Variants in ZNF362 observed in about 807,000 individuals in gnomAD.
ZNF362 encodes the protein zinc finger protein 362, also known as rotund homolog.
Under a neutral mutation model 42.9 loss-of-function variants are expected in ZNF362, and 11 were observed. The ratio of observed to expected loss-of-function variants is 0.26; its 90% CI spans 0.16 to 0.42. ZNF362 has a LOEUF of 0.42. Ranked by LOEUF, ZNF362 falls within the 20% of genes least tolerant of loss-of-function variation. The probability of loss-of-function intolerance (pLI) is 1.00; values close to 1 mark genes in which losing one functional copy is unlikely to be tolerated. For synonymous variants in ZNF362, 255 were observed against 257.3 expected, an observed-to-expected ratio of 0.99 and a Z score of 0.09; for missense variants, 362 against 576.2, an observed-to-expected ratio of 0.63 and a Z score of 3.81.
the ZNF362 span, among the ~76,000 whole-genome samples, chr1:33,224,793 T>C: frequency 4.6e-5 from 7 of 152,206 alleles, no homozygotes; most frequent in African/African-American, 1.7e-4. Flanking sequence ...AGTCATAAGA[T>C]GCATTAAGAA....
the ZNF362 span, among the ~76,000 whole-genome samples, chr1:33,178,567 G>C: frequency 6.6e-6 from 1 of 152,204 alleles, no homozygotes; most frequent in Non-Finnish European, 1.5e-5. Flanking sequence ...ATTCCAGCCC[G>C]TACTGTGTGC....
chr1:33,188,040 C>T, the ZNF362 span, among the ~76,000 whole-genome samples: 1 of 152,106 alleles, frequency 6.6e-6, no homozygotes, highest in African/African-American at 2.4e-5. Context: ...TTGAGACCAG[C>T]CTGACCAACA....
the ZNF362 span, among the ~76,000 whole-genome samples, chr1:33,191,892 A>G: frequency 6.6e-6 from 1 of 152,236 alleles, no homozygotes; most frequent in Non-Finnish European, 1.5e-5. Flanking sequence ...AAGAGAATGT[A>G]GAAGCAGATC....
chr1:33,147,103 G>A, the ZNF362 span: 9 of 1,535,912 alleles, frequency 5.9e-6, no homozygotes, highest in African/African-American at 1.2e-4. This position sits in a 1 kb window ranked among gnomAD's most constrained non-coding sequence, Gnocchi z 8.1. Context: ...CTGGAGTCCA[G>A]GTCTTCTATC....
At chr1:33,231,803 G>A in the ZNF362 span, among the ~76,000 whole-genome samples, 1 of 152,092 alleles carries the variant, frequency 6.6e-6, no homozygotes, top group Non-Finnish European at 1.5e-5. Flanking sequence ...GGGGTACAAG[G>A]GACACACCCC....
At chr1:33,247,728 T>C in the ZNF362 span, among the ~76,000 whole-genome samples, 1 of 152,222 alleles carries the variant, frequency 6.6e-6, no homozygotes. Flanking sequence ...GGTCCAGATG[T>C]GCTGCGAGGA....
the ZNF362 span, chr1:33,146,565 G>C: frequency 6.3e-6 from 1 of 160,000 alleles, no homozygotes; most frequent in Non-Finnish European, 1.4e-5. Flanking sequence ...TCAACTACCA[G>C]GTGCCTTCCA....
At chr1:33,204,187 A>C in the ZNF362 span, among the ~76,000 whole-genome samples, 3 of 152,024 alleles carry the variant, frequency 2.0e-5, no homozygotes. Flanking sequence ...ATTTTTTGGC[A>C]TGTGGAAATC....
the ZNF362 span, among the ~76,000 whole-genome samples, chr1:33,196,736 T>A: frequency 6.6e-6 from 1 of 152,234 alleles, no homozygotes; most frequent in Non-Finnish European, 1.5e-5. Flanking sequence ...GTACTGTACA[T>A]AATTGTATGT....
At chr1:33,163,340 A>G in the ZNF362 span, 1 of 151,032 alleles carries the variant, frequency 6.6e-6, no homozygotes, top group Non-Finnish European at 1.5e-5. Flanking sequence ...TGCCTGGCCG[A>G]TTTTTTTTTC....
In ZNF362 at chr1:33,262,553, C is replaced by T. The variant is rs186048631; in HGVS notation, c.-89+5899C>T. On this transcript the variant is annotated intron_variant, in intron 1 of 8. Transcript: ENST00000539719. Reference sequence around the variant, plus strand: ...CGATCTCCTGACCTTGTGATCCATCCGCCTTGGCCTCCCAAAGTGCTGGGA... The same window carrying T: ...CGATCTCCTGACCTTGTGATCCATCTGCCTTGGCCTCCCAAAGTGCTGGGA... Among the ~76,000 whole-genome samples the T allele has an allele frequency of 2.1e-3, 312 of 152,154 alleles. 1 individual carries two copies. The highest frequency in any genetic ancestry group is 6.9e-3 in the African/African-American group (285 of 41,508).
At chr1:33,250,071 C>A in the ZNF362 span, among the ~76,000 whole-genome samples, 1 of 152,272 alleles carries the variant, frequency 6.6e-6, no homozygotes, top group South Asian at 2.1e-4. Flanking sequence ...CTCATTCATT[C>A]ATTCATTCAT....
chr1:33,148,924 T>A, the ZNF362 span, among the ~76,000 whole-genome samples: 2 of 152,080 alleles, frequency 1.3e-5, no homozygotes. Context: ...CTAACCAAGG[T>A]CGTCTGCAAT....
the ZNF362 span, among the ~76,000 whole-genome samples, chr1:33,179,348 C>T: frequency 7.2e-4 from 110 of 152,276 alleles, 1 homozygote; most frequent in Non-Finnish European, 1.3e-3. Context: ...AGGGAAGGAG[C>T]GATGGTGAAC....
At chr1:33,258,662 C>T (rs1557785232) in intron 1 of ZNF362, among the ~76,000 whole-genome samples, 1 of 152,034 alleles carries the variant, frequency 6.6e-6, no homozygotes, top group Non-Finnish European at 1.5e-5. Flanking sequence ...GGGCCTGGAC[C>T]CCTGGAAGAT....
At chr1:33,290,190 A>AC (rs1016336456) in intron 6 of ZNF362, among the ~76,000 whole-genome samples, 7 of 152,170 alleles carry the variant, frequency 4.6e-5, no homozygotes, top group African/African-American at 1.7e-4. Flanking sequence ...GGTGTGCTGC[A>AC]CCCATTAACT....
chr1:33,159,756 G>A, the ZNF362 span: 1 of 1,613,456 alleles, frequency 6.2e-7, no homozygotes, highest in Non-Finnish European at 8.5e-7. The surrounding 1 kb of genome is among the most constrained non-coding windows in gnomAD (Gnocchi z 4.2). Context: ...GCTCCTGCAG[G>A]ATCTGGGCTC....
At chr1:33,128,868 A>T in the ZNF362 span, among the ~76,000 whole-genome samples, 4 of 152,234 alleles carry the variant, frequency 2.6e-5, no homozygotes, top group Non-Finnish European at 5.9e-5. Flanking sequence ...ATCTTTTCAG[A>T]TATCCAAGTG....
chr1:33,175,932 G>A, the ZNF362 span, among the ~76,000 whole-genome samples: 1 of 151,974 alleles, frequency 6.6e-6, no homozygotes, highest in Non-Finnish European at 1.5e-5. Context: ...AACATCTTGG[G>A]GTCCCCAATG....
Sources: allele counts gnomAD v4.1 joint callset (sites outside exome capture counted in the v4.1 genomes callset), GRCh38; gene constraint gnomAD v4.1.1; non-coding constraint Gnocchi (gnomAD v3.1); transcripts MANE v1.5; gene names NCBI Gene and HGNC (gene_info 2026-07-23, HGNC 2026-07-21).